SSH3: variants seen among roughly 807,000 people sequenced by gnomAD.
SSH3 encodes the protein protein phosphatase Slingshot homolog 3.
In SSH3, 67 loss-of-function variants were observed where a neutral mutation model predicts 75.0. That is an observed-to-expected ratio of 0.89 (90% CI 0.73 to 1.10). The LOEUF is 1.10. Ranked by LOEUF, SSH3 falls within the 50% of genes least tolerant of loss-of-function variation. The pLI is 0.00. For missense variants in SSH3, 824 were observed against 872.7 expected (o/e 0.94, Z 0.70); for synonymous variants, 318 against 349.2 (o/e 0.91, Z 1.00).
At chr11:67,310,444 T>C (rs1329466035) in intron 13 of SSH3, 105 bp downstream of exon 13, 1 of 1,409,366 alleles carries the variant, frequency 7.1e-7, no homozygotes, top group East Asian at 2.4e-5. Flanking sequence ...GAGCAGGGCG[T>C]ACCCGGGCTA....
rs61736988 is a variant in SSH3, at chr11:67,307,617, G to A, written c.671G>A (p.Ser224Asn). Residue 224 changes from serine to asparagine, a missense_variant, in exon 7 of 14, where the codon AGT becomes AAT. Ser to Asn is a conservative substitution (Grantham distance 46). Transcript: ENST00000308127. The surrounding 1 kb of genome is among the most constrained non-coding windows in gnomAD (Gnocchi z 4.2). ...ALGSGLVPGGSALTWASHYQE... is the reference protein window; with the variant it reads ...ALGSGLVPGGNALTWASHYQE... ...GGCAGCGGCCTTGTACCGGGTGGCA[G>A]TGCCCTCACCTGGGCCAGCCACTAC... 2.5e-6 allele frequency: 4 copies of A among 1,613,808 alleles called. No homozygotes were observed. In the South Asian group the frequency reaches 3.3e-5, roughly 13 times the overall value.
intron 3 of SSH3, among the ~76,000 whole-genome samples, chr11:67,306,405 G>C (rs1341061651): frequency 6.6e-6 from 1 of 152,118 alleles, no homozygotes; most frequent in Admixed American, 6.5e-5. Context: ...TTCAAGACCA[G>C]CCCAAGAAAC....
At position 67,308,896 on chromosome 11, in the gene SSH3, G is replaced by A. The variant is rs1861332736; in HGVS notation, c.1061+438G>A. ...CCACTGCACTCCAGCCTGGGCAACAGAGAGAGACCCTGTCTCTAAAAAATA... is the reference window on the plus strand; with the variant it reads ...CCACTGCACTCCAGCCTGGGCAACAAAGAGAGACCCTGTCTCTAAAAAATA... On this transcript the variant is annotated intron_variant, in intron 10 of 13. Coordinates refer to ENST00000308127, the MANE Select transcript of SSH3 (RefSeq NM_017857.4). This position sits in a 1 kb window ranked among gnomAD's most constrained non-coding sequence, Gnocchi z 4.9. Among the ~76,000 whole-genome samples the A allele has an allele frequency of 6.6e-6, 1 of 152,094 alleles. No individual in the cohort carries two copies. The highest frequency in any genetic ancestry group is 2.4e-5 in the African/African-American group (1 of 41,416).
rs1390240670 is a variant in SSH3 at position 67,312,287 on chromosome 11, CTCCTG to C, written c.*405_*409del. The C allele has an allele frequency of 4.0e-5, 8 of 200,620 alleles. No homozygotes were observed. The highest frequency in any genetic ancestry group is 1.9e-4 in the African/African-American group (8 of 41,896). The allele number at this position is 200,620 out of a possible 1,614,324, so 12.4% of individuals were successfully genotyped here. On this transcript the variant is annotated 3_prime_UTR_variant, in exon 14 of 14. Coordinates refer to ENST00000308127, the MANE Select transcript of SSH3 (RefSeq NM_017857.4). ...TCCCACCCCCGCCCCCTCCCTGCAC[CTCCTG>C]TCCTCTCCCAGTTCATTCCTGGAAC...
rs1193968308 is a variant in SSH3 at position 67,304,774 on chromosome 11, C to G, written c.106C>G (p.Gln36Glu). 2.0e-5 allele frequency: 32 copies of G among 1,600,044 alleles called. No individual in the cohort carries two copies. In the Admixed American group the frequency reaches 5.6e-4, roughly 28 times the overall value. Residue 36 changes from glutamine (Q) to glutamate (E), a missense_variant and splice_region_variant, in exon 3 of 14, where the codon CAG (glutamine) becomes GAG (glutamate). Transcript: ENST00000308127. ...GACAGTTGCCCACTGCCCTGCCAGGCAGAGCTTTGCGGTGCTCCGTGGGGC... is the reference window on the plus strand; with the variant it reads ...GACAGTTGCCCACTGCCCTGCCAGGGAGAGCTTTGCGGTGCTCCGTGGGGC... ...VQRRSRLQRR[Q>E]SFAVLRGAVL...
In SSH3 at chr11:67,308,551, C is replaced by A; in HGVS notation, c.1061+93C>A. On this transcript the variant is annotated intron_variant, in intron 10 of 13. Coordinates refer to ENST00000308127, the MANE Select transcript of SSH3 (RefSeq NM_017857.4). The surrounding 1 kb of genome is among the most constrained non-coding windows in gnomAD (Gnocchi z 4.9). ...GTAGCCAGCTTCAAAAACCCCTGGACCACCCTCAGCAGCTGCTAGCTCTGC... is the reference window on the plus strand; with the variant it reads ...GTAGCCAGCTTCAAAAACCCCTGGAACACCCTCAGCAGCTGCTAGCTCTGC... 1 of 1,485,760 alleles carries A rather than the reference C, an allele frequency of 6.7e-7. No individual in the cohort carries two copies. The highest frequency in any genetic ancestry group is 9.1e-7 in the Non-Finnish European group (1 of 1,093,260). The allele number at this position is 1,485,760 out of a possible 1,614,324, so 92.0% of individuals were successfully genotyped here. A position where few individuals can be genotyped will look rare whatever the true frequency, so the allele number is the denominator to read the frequency against.
At position 67,308,607 on chromosome 11, in the gene SSH3, G is replaced by T. The variant is rs142364395; in HGVS notation, c.1061+149G>T. 693 of 1,200,958 alleles carry T rather than the reference G, an allele frequency of 5.8e-4. 5 individuals carry two copies. In the African/African-American group the frequency reaches 9.1e-3, roughly 16 times the overall value. 74.4% of individuals were successfully genotyped at this position (1,200,958 alleles called of 1,614,324 possible). ...ACTCTGTCCTGGGGCTGTTGCCCTG[G>T]TGTGGGCTCCCAGGTGGGGACAGGA... is the stretch of plus-strand genomic sequence containing the variant. On this transcript the variant is annotated intron_variant, in intron 10 of 13. Transcript: ENST00000308127. The surrounding 1 kb of genome is among the most constrained non-coding windows in gnomAD (Gnocchi z 4.9).
rs966880207 is a variant in SSH3 at position 67,311,944 on chromosome 11, G to T, written c.*57G>T. 3 of 1,589,894 alleles carry T rather than the reference G, an allele frequency of 1.9e-6. No individual in the cohort carries two copies. Among genetic ancestry groups the T allele is most frequent in the Non-Finnish European group, 2.6e-6 (3 of 1,172,662 alleles). On this transcript the variant is annotated 3_prime_UTR_variant, in exon 14 of 14. Transcript: ENST00000308127. ...TGAAGAGGATCCACAACTCCTTGGA[G>T]AAACACCCTCACGTCTGTTGCCGCA...
rs1284826657 is a variant in SSH3 at position 67,304,105 on chromosome 11, G to A, written c.67-13G>A. The A allele has an allele frequency of 6.3e-7, 1 of 1,586,224 alleles. No individual in the cohort carries two copies. Among genetic ancestry groups the A allele is most frequent in the Non-Finnish European group, 8.5e-7 (1 of 1,170,968 alleles). ...CCCGCCCTCACCCTGCCCTGGGGCT[G>A]CTCTCTCCGCAGGACCAGGCGGTCC... On this transcript the variant is annotated splice_polypyrimidine_tract_variant and intron_variant, in intron 1 of 13. Coordinates refer to ENST00000308127, the MANE Select transcript of SSH3 (RefSeq NM_017857.4).
Position 67,309,898 on chromosome 11 carries a change from C to T in SSH3, c.1339C>T (p.Arg447Trp), listed in dbSNP as rs542623492. The T allele has an allele frequency of 7.4e-6, 12 of 1,611,682 alleles. No homozygotes were observed. Among genetic ancestry groups the T allele is most frequent in the South Asian group, 5.5e-5 (5 of 91,086 alleles). ...EQALRHVQEL[R>W]PIARPNPGFL... is the part of the protein sequence containing the mutation. ...GGCCCTGCGCCACGTGCAGGAGCTC[C>T]GGCCCATCGCCCGCCCCAACCCTGG... Residue 447 changes from arginine (R) to tryptophan (W), a missense_variant, in exon 12 of 14, where the codon CGG (arginine) becomes TGG (tryptophan). Coordinates refer to ENST00000308127, the MANE Select transcript of SSH3 (RefSeq NM_017857.4).
At position 67,303,537 on chromosome 11, in the gene SSH3, C is replaced by T; in HGVS notation, c.-89C>T. ...CCAGGCCCGGGTGGCGCCGTCCGTCCTTCCTGGTCCTGCGGGTCCAGGACT... is the reference window on the plus strand; with the variant it reads ...CCAGGCCCGGGTGGCGCCGTCCGTCTTTCCTGGTCCTGCGGGTCCAGGACT... On this transcript the variant is annotated 5_prime_UTR_variant, in exon 1 of 14. Transcript: ENST00000308127. 1.5e-6 allele frequency: 2 copies of T among 1,351,524 alleles called. No homozygotes were observed. Among genetic ancestry groups the T allele is most frequent in the Non-Finnish European group, 2.0e-6 (2 of 1,006,542 alleles). The allele number at this position is 1,351,524 out of a possible 1,614,324, so 83.7% of individuals were successfully genotyped here.
In SSH3 at chr11:67,308,345, T is replaced by C. The variant is rs1226615925; in HGVS notation, c.1014+43T>C. 6.2e-7 allele frequency: 1 copy of C among 1,613,516 alleles called. No homozygotes were observed. The highest frequency in any genetic ancestry group is 2.2e-5 in the East Asian group (1 of 44,860). On this transcript the variant is annotated intron_variant, in intron 9 of 13. Transcript: ENST00000308127. This position sits in a 1 kb window ranked among gnomAD's most constrained non-coding sequence, Gnocchi z 4.9. ...CTGGGCCATGGGGACCGCTGGCAGCTGTGAGGGCGGCAGGCCAGGAGCAGA... is the reference window on the plus strand; with the variant it reads ...CTGGGCCATGGGGACCGCTGGCAGCCGTGAGGGCGGCAGGCCAGGAGCAGA...
In SSH3 at chr11:67,303,598, C is replaced by T. The variant is rs558753751; in HGVS notation, c.-28C>T. On this transcript the variant is annotated 5_prime_UTR_variant, in exon 1 of 14. Coordinates refer to ENST00000308127, the MANE Select transcript of SSH3 (RefSeq NM_017857.4). ...TTGAGGGAAGGGGCCGTGCCCGGTG[C>T]CAGCCCAGGTGCTCGCGGCCTGGCT... 34 of 1,517,044 alleles carry T rather than the reference C, an allele frequency of 2.2e-5. No individual in the cohort carries two copies. In the African/African-American group the frequency reaches 3.7e-4, roughly 17 times the overall value. The allele number at this position is 1,517,044 out of a possible 1,614,324, so 94.0% of individuals were successfully genotyped here.
At position 67,309,358 on chromosome 11, in the gene SSH3, T is replaced by G. The variant is rs1190434745; in HGVS notation, c.1062-39T>G. The G allele has an allele frequency of 3.1e-6, 5 of 1,612,590 alleles. No individual in the cohort carries two copies. In the Admixed American group the frequency reaches 5.0e-5, roughly 16 times the overall value. ...TCCGATTGCCAGTGGGCCTGGTACC[T>G]CTGCCCACATCAGCCTGGCCTTGGG... On this transcript the variant is annotated intron_variant, in intron 10 of 13. Transcript: ENST00000308127.
intron 1 of SSH3, 91 bp downstream of exon 1, chr11:67,303,782 G>A: frequency 7.5e-7 from 1 of 1,332,668 alleles, no homozygotes; most frequent in Non-Finnish European, 9.7e-7. Context: ...TCTCGAACGG[G>A]GACATGAGGA....
intron 3 of SSH3, 92 bp downstream of exon 3, chr11:67,305,099 A>C: frequency 1.6e-6 from 2 of 1,286,998 alleles, no homozygotes; most frequent in Non-Finnish European, 2.2e-6. Context: ...TTGGGGAGCA[A>C]TGGTGTGAGG....
chr11:67,303,565 C>A lies in SSH3; in HGVS notation c.-61C>A. ...CCTGGTCCTGCGGGTCCAGGACTGT[C>A]CGCGGGGTTGAGGGAAGGGGCCGTG... is the stretch of plus-strand genomic sequence containing the variant. On this transcript the variant is annotated 5_prime_UTR_variant, in exon 1 of 14. Coordinates refer to ENST00000308127, the MANE Select transcript of SSH3 (RefSeq NM_017857.4). The A allele has an allele frequency of 6.7e-7, 1 of 1,490,300 alleles. No individual in the cohort carries two copies. The highest frequency in any genetic ancestry group is 9.0e-7 in the Non-Finnish European group (1 of 1,115,902). 92.3% of individuals were successfully genotyped at this position (1,490,300 alleles called of 1,614,324 possible).
In SSH3 at chr11:67,308,197, C is replaced by CG; in HGVS notation, c.909_910insG (p.Leu304AlafsTer10). ...AGATCCGCCAGGCTCTGGAGCTGCG[C>CG]CTGGGGCTCCCCCTCCAGCAGTACC... On this transcript the variant is annotated frameshift_variant, in exon 9 of 14. Coordinates refer to ENST00000308127, the MANE Select transcript of SSH3 (RefSeq NM_017857.4). This position sits in a 1 kb window ranked among gnomAD's most constrained non-coding sequence, Gnocchi z 4.9. The CG allele has an allele frequency of 6.2e-7, 1 of 1,613,892 alleles. No individual in the cohort carries two copies. The highest frequency in any genetic ancestry group is 8.5e-7 in the Non-Finnish European group (1 of 1,180,002).
At position 67,307,822 on chromosome 11, in the gene SSH3, T is replaced by C; in HGVS notation, c.792-24T>C. On this transcript the variant is annotated intron_variant, in intron 7 of 13. Coordinates refer to ENST00000308127, the MANE Select transcript of SSH3 (RefSeq NM_017857.4). This position sits in a 1 kb window ranked among gnomAD's most constrained non-coding sequence, Gnocchi z 4.2. ...CATGGTGGAGAGGGGAAAGGGCCCC[T>C]TGACTGAGGGGCTCTGCTCCCAGGT... 3 of 1,614,126 alleles carry C rather than the reference T, an allele frequency of 1.9e-6. No homozygotes were observed. The highest frequency in any genetic ancestry group is 1.7e-6 in the Non-Finnish European group (2 of 1,179,998).
Sources: gnomAD v4.1 joint callset for allele counts (sites outside exome capture counted in the v4.1 genomes callset) on GRCh38, gnomAD v4.1.1 for gene constraint, Gnocchi (gnomAD v3.1) non-coding constraint, MANE v1.5 for transcripts, NCBI Gene and HGNC (gene_info 2026-07-23, HGNC 2026-07-21) for gene names.